Variants in NT5M observed in about 807,000 individuals in gnomAD.
The protein encoded by NT5M is 5',3'-nucleotidase, mitochondrial.
In NT5M, 22 loss-of-function variants were observed where a neutral mutation model predicts 22.2. The ratio of observed to expected loss-of-function variants is 0.99; its 90% CI spans 0.71 to 1.41. The LOEUF is 1.41. Ranked by LOEUF, NT5M falls within the 40% of genes most tolerant of loss-of-function variation. The probability of loss-of-function intolerance (pLI) is 0.00; values close to 1 mark genes in which losing one functional copy is unlikely to be tolerated. For synonymous variants in NT5M, 167 were observed against 133.0 expected (o/e 1.26, Z -1.76); for missense variants, 322 against 314.8 (o/e 1.02, Z -0.17).
At chr17:17,318,077 C>T (rs1013582174) in intron 2 of NT5M, among the ~76,000 whole-genome samples, 3 of 151,810 alleles carry the variant, frequency 2.0e-5, no homozygotes, top group East Asian at 1.9e-4. Flanking sequence ...TACTAGTACC[C>T]GAATGTCCCA....
intron 2 of NT5M, among the ~76,000 whole-genome samples, chr17:17,314,327 G>A (rs1345854796): frequency 6.6e-6 from 1 of 152,050 alleles, no homozygotes; most frequent in Non-Finnish European, 1.5e-5. Context: ...GAGCCATCGT[G>A]CCCGGCCGAA....
At chr17:17,303,849 C>A (rs1457037801) in intron 1 of NT5M, 32 bp downstream of exon 1, 4 of 1,352,654 alleles carry the variant, frequency 3.0e-6, no homozygotes, top group South Asian at 1.7e-5. Flanking sequence ...CGCGCCGGGC[C>A]TCCTTCTCGC....
chr17:17,342,926 G>C (rs892604217), intron 3 of NT5M, among the ~76,000 whole-genome samples: 2 of 152,146 alleles, frequency 1.3e-5, no homozygotes, highest in African/African-American at 4.8e-5. Flanking sequence ...ATGCAATATT[G>C]GCTAAATTAC....
chr17:17,317,645 T>C (rs1282182028), intron 2 of NT5M, among the ~76,000 whole-genome samples: 1 of 152,064 alleles, frequency 6.6e-6, no homozygotes, highest in Non-Finnish European at 1.5e-5. Context: ...GCAGCCAGTG[T>C]GGAAAAACAC....
rs1349661015 is a variant in NT5M, at chr17:17,315,930, AT to A, written c.369-7249del. Among the ~76,000 whole-genome samples, 30 of 143,172 alleles carry A rather than the reference AT, an allele frequency of 2.1e-4. 1 individual carries two copies. The highest frequency in any genetic ancestry group is 2.2e-4 in the South Asian group (1 of 4,448). The allele number at this position is 143,172 out of a possible 152,430, so 93.9% of individuals were successfully genotyped here. Reference sequence around the variant, plus strand: ...CCACGCCCGGCTAATTTTTTTTTGTATTTTTTAGTAGAGATGGCGTTTCACT... The same window carrying A: ...CCACGCCCGGCTAATTTTTTTTTGTATTTTTAGTAGAGATGGCGTTTCACT... On this transcript the variant is annotated intron_variant, in intron 2 of 4. Coordinates refer to ENST00000389022, the MANE Select transcript of NT5M (RefSeq NM_020201.4).
At chr17:17,309,571 C>T (rs2048880678) in intron 2 of NT5M, among the ~76,000 whole-genome samples, 1 of 152,058 alleles carries the variant, frequency 6.6e-6, no homozygotes, top group Non-Finnish European at 1.5e-5. Context: ...ACATCTTTGT[C>T]AACACTTGTT....
At chr17:17,326,680 T>A (rs2049273724) in intron 3 of NT5M, among the ~76,000 whole-genome samples, 1 of 152,052 alleles carries the variant, frequency 6.6e-6, no homozygotes, top group African/African-American at 2.4e-5. Flanking sequence ...TGAGCTTGGG[T>A]CCCACACCCA....
intron 1 of NT5M, among the ~76,000 whole-genome samples, chr17:17,305,368 G>T (rs1027105560): frequency 2.1e-5 from 3 of 143,412 alleles, no homozygotes; most frequent in Admixed American, 1.5e-4. Flanking sequence ...CCCCAAGCTG[G>T]CCCAGTATCT....
At position 17,323,071 on chromosome 17, in the gene NT5M, G is replaced by T. The variant is rs1006332440; in HGVS notation, c.369-114G>T. 1.2e-5 allele frequency: 10 copies of T among 844,596 alleles called. No homozygotes were observed. In the Admixed American group the frequency reaches 1.5e-4, roughly 13 times the overall value. The allele number at this position is 844,596 out of a possible 1,614,324, so 52.3% of individuals were successfully genotyped here. On this transcript the variant is annotated intron_variant, in intron 2 of 4. Coordinates refer to ENST00000389022, the MANE Select transcript of NT5M (RefSeq NM_020201.4). Reference sequence around the variant, plus strand: ...CAGGGGAGTGGGTCTCCCACAGCAGGGGAAGGGTTCAGACTCAGAGGGTCC... The same window carrying T: ...CAGGGGAGTGGGTCTCCCACAGCAGTGGAAGGGTTCAGACTCAGAGGGTCC...
At chr17:17,343,090 G>C (rs1310104702) in intron 3 of NT5M, among the ~76,000 whole-genome samples, 1 of 152,178 alleles carries the variant, frequency 6.6e-6, no homozygotes, top group Non-Finnish European at 1.5e-5. Flanking sequence ...ACAGTCCTGT[G>C]GGGAAGATGC....
chr17:17,318,745 A>AT (rs1270369753), intron 2 of NT5M, among the ~76,000 whole-genome samples: 1 of 126,348 alleles, frequency 7.9e-6, no homozygotes, highest in Non-Finnish European at 1.6e-5. Flanking sequence ...AGATCACGCC[A>AT]TTGCACTCCA....
At position 17,306,584 on chromosome 17, in the gene NT5M, T is replaced by C; in HGVS notation, c.309T>C (p.Phe103=). ...TTTGGGAGTCAAAGAATTTCTTTTT[T>C]GAACTTGAGCCTCTGCCAGGGGCCG... ...ISIWESKNFF[F]ELEPLPGAVE... Residue 103 remains phenylalanine (F), a synonymous_variant, in exon 2 of 5, where the codon TTT becomes TTC. Transcript: ENST00000389022. 3 of 1,614,076 alleles carry C rather than the reference T, an allele frequency of 1.9e-6. No individual in the cohort carries two copies. In the South Asian group the frequency reaches 3.3e-5, roughly 18 times the overall value.
At chr17:17,306,283 T>G (rs2048798777) in intron 1 of NT5M, among the ~76,000 whole-genome samples, 1 of 152,156 alleles carries the variant, frequency 6.6e-6, no homozygotes, top group Admixed American at 6.6e-5. Flanking sequence ...CCCAGAGAGC[T>G]CCAGCAGGTG....
intron 1 of NT5M, 195 bp downstream of exon 1, chr17:17,304,012 C>G: frequency 8.1e-7 from 1 of 1,230,060 alleles, no homozygotes; most frequent in Non-Finnish European, 1.0e-6. Flanking sequence ...TGTTGGCTGC[C>G]ATCCAAGGTT....
At position 17,303,404 on chromosome 17, in the gene NT5M, C is replaced by T. The variant is rs1597732010; in HGVS notation, c.-147C>T. The stretch of plus-strand genomic sequence containing the variant: ...GGGCCGGTACTTGCGCGCCCGCACC[C>T]CGCGCTCCCCGCCCCGCTCCCCGTC... On this transcript the variant is annotated 5_prime_UTR_variant, in exon 1 of 5. Coordinates refer to ENST00000389022, the MANE Select transcript of NT5M (RefSeq NM_020201.4). 2 of 951,374 alleles carry T rather than the reference C, an allele frequency of 2.1e-6. No homozygotes were observed. The highest frequency in any genetic ancestry group is 5.3e-4 in the Middle Eastern group (1 of 1,880). 58.9% of individuals were successfully genotyped at this position (951,374 alleles called of 1,614,324 possible). A position where few individuals can be genotyped will look rare whatever the true frequency, so the allele number is the denominator to read the frequency against.
intron 3 of NT5M, among the ~76,000 whole-genome samples, chr17:17,338,272 A>G (rs961419325): frequency 3.3e-5 from 5 of 151,334 alleles, no homozygotes; most frequent in African/African-American, 1.2e-4. Flanking sequence ...GGCTCACTGC[A>G]ATGTCCGTCT....
rs1051739563 is a variant in NT5M, at chr17:17,303,826, C to G, written c.267+9C>G. On this transcript the variant is annotated intron_variant, in intron 1 of 4. Transcript: ENST00000389022. ...TGCGGCCAGGGCTGAGCGTGAGCGT[C>G]CCCGCCCCGCCCCGCGCCGGGCCTC... is the stretch of plus-strand genomic sequence containing the variant. 1.4e-6 allele frequency: 2 copies of G among 1,380,062 alleles called. No homozygotes were observed. The highest frequency in any genetic ancestry group is 3.0e-5 in the African/African-American group (2 of 67,114). The allele number at this position is 1,380,062 out of a possible 1,614,324, so 85.5% of individuals were successfully genotyped here.
chr17:17,322,618 C>T (rs970884452), intron 2 of NT5M, among the ~76,000 whole-genome samples: 2 of 152,152 alleles, frequency 1.3e-5, no homozygotes, highest in Admixed American at 6.5e-5. Flanking sequence ...GCTCCAGTAG[C>T]GAACGCCAGC....
rs762190563 is a variant in NT5M at position 17,346,908 on chromosome 17, C to A, written c.648C>A (p.Asp216Glu). Residue 216 changes from aspartate (D) to glutamate (E), a missense_variant, in exon 5 of 5, where the codon GAC becomes GAA. Asp to Glu is a conservative substitution (Grantham distance 45). Coordinates refer to ENST00000389022, the MANE Select transcript of NT5M (RefSeq NM_020201.4). ...PPRRRLHSWA[D>E]DWKAILDSKR... ...GCCGCAGGCTGCACTCGTGGGCGGA[C>A]GACTGGAAGGCCATTCTGGACAGCA... 1.7e-5 allele frequency: 27 copies of A among 1,611,298 alleles called. No homozygotes were observed. Among genetic ancestry groups the A allele is most frequent in the Admixed American group, 3.3e-5 (2 of 60,014 alleles).
Sources: allele counts gnomAD v4.1 joint callset (sites outside exome capture counted in the v4.1 genomes callset), GRCh38; gene constraint gnomAD v4.1.1; transcripts MANE v1.5; gene names NCBI Gene and HGNC (gene_info 2026-07-23, HGNC 2026-07-21).